TGFB2: variants seen among roughly 807,000 people sequenced by gnomAD.
The protein encoded by TGFB2 is transforming growth factor beta-2 proprotein.
TGFB2 carries 13 observed loss-of-function variants against 42.7 expected under a neutral mutation model. The observed-to-expected ratio is 0.30, with a 90% CI of 0.20 to 0.48. The LOEUF is 0.48. TGFB2 is among the 20% of genes least tolerant of loss of function. The pLI is 0.99. For missense variants in TGFB2, 390 were observed against 517.5 expected (o/e 0.75, Z 2.39); for synonymous variants, 193 against 193.6 (o/e 1.00, Z 0.03).
rs1270439180 is a variant in TGFB2, at chr1:218,373,209, G to A, written c.346+26162G>A. On this transcript the variant is annotated intron_variant, in intron 1 of 6. Coordinates refer to ENST00000366930, the MANE Select transcript of TGFB2 (RefSeq NM_003238.6). The stretch of plus-strand genomic sequence containing the variant: ...AAAGTTTCCCAGGAGATTCTAATGT[G>A]CAACTGGAGTTGAGAACCTGTATTT... Among the ~76,000 whole-genome samples, 5 of 152,214 alleles carry A rather than the reference G, an allele frequency of 3.3e-5. No individual in the cohort carries two copies. The East Asian group carries it at 9.7e-4, about 29-fold the overall frequency.
At chr1:218,432,689 T>C (rs1483355092) in intron 2 of TGFB2, among the ~76,000 whole-genome samples, 1 of 152,212 alleles carries the variant, frequency 6.6e-6, no homozygotes, top group Non-Finnish European at 1.5e-5. Context: ...ATTGATTCAA[T>C]TGAGTGCTAT....
chr1:218,397,848 C>T (rs1658576105), intron 1 of TGFB2, among the ~76,000 whole-genome samples: 1 of 152,132 alleles, frequency 6.6e-6, no homozygotes, highest in African/African-American at 2.4e-5. Context: ...TTGAGGTAAT[C>T]GGTGAGTACC....
chr1:218,390,486 G>A lies in TGFB2; in HGVS notation c.347-14683G>A, dbSNP rs566673406. ...AGTCAGTTTTTTCTCCCAGTGTCCCGAGAGCAGGTTAAAATTCAAACATTT... is the reference window on the plus strand; with the variant it reads ...AGTCAGTTTTTTCTCCCAGTGTCCCAAGAGCAGGTTAAAATTCAAACATTT... On this transcript the variant is annotated intron_variant, in intron 1 of 6. Coordinates refer to ENST00000366930, the MANE Select transcript of TGFB2 (RefSeq NM_003238.6). Among the ~76,000 whole-genome samples the A allele has an allele frequency of 9.2e-5, 14 of 152,150 alleles. No individual in the cohort carries two copies. In the East Asian group the frequency reaches 1.9e-3, roughly 21 times the overall value.
chr1:218,419,863 T>C (rs1340460323), intron 2 of TGFB2, among the ~76,000 whole-genome samples: 2 of 152,228 alleles, frequency 1.3e-5, no homozygotes, highest in African/African-American at 4.8e-5. Flanking sequence ...TAAAATTATG[T>C]AATAAATTAA....
intron 1 of TGFB2, among the ~76,000 whole-genome samples, chr1:218,371,024 G>A (rs1657552773): frequency 1.3e-5 from 2 of 152,222 alleles, no homozygotes; most frequent in Non-Finnish European, 2.9e-5. Flanking sequence ...TTCTGGCTGG[G>A]CGCAGTGGCT....
intron 1 of TGFB2, among the ~76,000 whole-genome samples, chr1:218,398,865 G>A (rs1658615990): frequency 6.6e-6 from 1 of 152,200 alleles, no homozygotes; most frequent in Non-Finnish European, 1.5e-5. Flanking sequence ...GATTACAGGC[G>A]TGAGCCACTG....
rs538370043 is a variant in TGFB2, at chr1:218,364,480, C to T, written c.346+17433C>T. On this transcript the variant is annotated intron_variant, in intron 1 of 6. Transcript: ENST00000366930. The stretch of plus-strand genomic sequence containing the variant: ...AAGGAATTCAGTGGCTAAAGTTATC[C>T]CTGAACCATGCTCAGGAAAAAAGGA... 6.5e-4 allele frequency among the ~76,000 whole-genome samples: 99 copies of T among 152,266 alleles called. 1 individual carries two copies. Among genetic ancestry groups the T allele is most frequent in the African/African-American group, 2.3e-3 (95 of 41,552 alleles).
At chr1:218,392,575 C>G (rs1571863750) in intron 1 of TGFB2, among the ~76,000 whole-genome samples, 1 of 152,306 alleles carries the variant, frequency 6.6e-6, no homozygotes. Context: ...TTCTCTGTCA[C>G]TGAAGGGTTC....
At chr1:218,370,655 A>G (rs1359421222) in intron 1 of TGFB2, among the ~76,000 whole-genome samples, 3 of 152,298 alleles carry the variant, frequency 2.0e-5, no homozygotes, top group African/African-American at 4.8e-5. Context: ...TGAGTGATAA[A>G]CAGCACAGGT....
Position 218,410,428 on chromosome 1 carries a change from C to G in TGFB2, c.510+5096C>G, listed in dbSNP as rs141699374. Among the ~76,000 whole-genome samples the G allele has an allele frequency of 8.9e-3, 1,361 of 152,318 alleles. 17 individuals are homozygous for G. Among genetic ancestry groups the G allele is most frequent in the African/African-American group, 0.031 (1,272 of 41,552 alleles). On this transcript the variant is annotated intron_variant, in intron 2 of 6. Coordinates refer to ENST00000366930, the MANE Select transcript of TGFB2 (RefSeq NM_003238.6). The stretch of plus-strand genomic sequence containing the variant: ...TACGATTTTCATTACCCTCCCCTCT[C>G]TACAGAACAGTGTGTCAGAATATTA...
chr1:218,403,166 A>C (rs761546805), intron 1 of TGFB2, among the ~76,000 whole-genome samples: 1 of 152,076 alleles, frequency 6.6e-6, no homozygotes, highest in Non-Finnish European at 1.5e-5. Flanking sequence ...CTGCATGAAT[A>C]CTTTTTTTCT....
In TGFB2 at chr1:218,432,112, A is replaced by C. The variant is rs1169242541; in HGVS notation, c.511-1970A>C. Among the ~76,000 whole-genome samples the C allele has an allele frequency of 2.0e-5, 3 of 152,190 alleles. No individual in the cohort carries two copies. The East Asian group carries it at 5.8e-4, about 29-fold the overall frequency. On this transcript the variant is annotated intron_variant, in intron 2 of 6. Coordinates refer to ENST00000366930, the MANE Select transcript of TGFB2 (RefSeq NM_003238.6). Reference sequence around the variant, plus strand: ...AAAAATCCAGCACTGAAGTGGGAAAATGACTCGGGATTGAGTTGGATCATC... The same window carrying C: ...AAAAATCCAGCACTGAAGTGGGAAACTGACTCGGGATTGAGTTGGATCATC...
intron 1 of TGFB2, among the ~76,000 whole-genome samples, chr1:218,400,280 C>T (rs1327355863): frequency 6.6e-6 from 1 of 151,808 alleles, no homozygotes; most frequent in Admixed American, 6.6e-5. Context: ...TCCTTTGTTC[C>T]ATGGTCTCCC....
intron 2 of TGFB2, among the ~76,000 whole-genome samples, chr1:218,408,542 G>T (rs563059129): frequency 6.6e-6 from 1 of 152,162 alleles, no homozygotes; most frequent in Admixed American, 6.5e-5. Flanking sequence ...TCTTTCTGGG[G>T]CTCAGCTATA....
At chr1:218,354,860 C>T (rs1656982450) in intron 1 of TGFB2, among the ~76,000 whole-genome samples, 1 of 152,108 alleles carries the variant, frequency 6.6e-6, no homozygotes, top group African/African-American at 2.4e-5. Flanking sequence ...TATTTCTGCA[C>T]TTAATTGATA....
chr1:218,362,101 G>A (rs1571835650), intron 1 of TGFB2, among the ~76,000 whole-genome samples: 1 of 152,172 alleles, frequency 6.6e-6, no homozygotes, highest in South Asian at 2.1e-4. Context: ...AAGTTCCAGA[G>A]TATGGAAAAA....
intron 1 of TGFB2, among the ~76,000 whole-genome samples, chr1:218,352,259 G>C (rs567099089): frequency 2.0e-4 from 31 of 152,018 alleles, no homozygotes; most frequent in African/African-American, 7.2e-4. Context: ...ATGGGCTCCC[G>C]GAGAGAGGAT....
intron 1 of TGFB2, among the ~76,000 whole-genome samples, chr1:218,347,933 AT>A (rs11406779): frequency 0.04 from 5,197 of 129,820 alleles, 200 homozygotes; most frequent in African/African-American, 0.11. Flanking sequence ...CGACAGCCGT[AT>A]TTTTTTTTTT....
At position 218,346,678 on chromosome 1, in the gene TGFB2, C is replaced by A. The variant is rs780635221; in HGVS notation, c.-24C>A. On this transcript the variant is annotated 5_prime_UTR_variant, in exon 1 of 7. Transcript: ENST00000366930. This position sits in a 1 kb window ranked among gnomAD's most constrained non-coding sequence, Gnocchi z 4.9. ...TTTTTATTCTGACTTTTAAAAACAA[C>A]TTTTTTTTCCACTTTTTTAAAAAAT... 1.3e-6 allele frequency: 2 copies of A among 1,560,478 alleles called. No homozygotes were observed. Among genetic ancestry groups the A allele is most frequent in the Non-Finnish European group, 8.7e-7 (1 of 1,154,174 alleles).
Sources: allele counts gnomAD v4.1 joint callset (sites outside exome capture counted in the v4.1 genomes callset), GRCh38; gene constraint gnomAD v4.1.1; non-coding constraint Gnocchi (gnomAD v3.1); transcripts MANE v1.5; gene names NCBI Gene and HGNC (gene_info 2026-07-23, HGNC 2026-07-21).